THSD7B: variants seen among roughly 807,000 people sequenced by gnomAD.
The protein encoded by THSD7B is thrombospondin type 1 domain containing 7B, also known as thrombospondin type-1 domain-containing protein 7B.
Under a neutral mutation model 213.6 loss-of-function variants are expected in THSD7B, and 138 were observed. The observed-to-expected ratio is 0.65, with a 90% CI of 0.56 to 0.74. THSD7B has a LOEUF of 0.74. THSD7B is among the 30% of genes least tolerant of loss of function. The pLI, the probability that THSD7B is intolerant of heterozygous loss-of-function variation, is 0.00. For synonymous variants in THSD7B, 742 were observed against 687.0 expected, an observed-to-expected ratio of 1.08 and a Z score of -1.25; for missense variants, 1,931 against 1,991.5, an observed-to-expected ratio of 0.97 and a Z score of 0.58.
At chr2:137,271,485 A>G (rs1212552198) in intron 10 of THSD7B, among the ~76,000 whole-genome samples, 1 of 142,836 alleles carries the variant, frequency 7.0e-6, no homozygotes, top group East Asian at 2.1e-4. Context: ...ATATAAAATC[A>G]TATATATATT....
intron 1 of THSD7B, among the ~76,000 whole-genome samples, chr2:136,779,198 A>ATG (rs199689020): frequency 0.11 from 5,805 of 55,056 alleles, 146 homozygotes; most frequent in South Asian, 0.16. Context: ...ATATATATAT[A>ATG]TGTGTGTGTG....
At chr2:136,766,183 G>A (rs555421741) in intron 1 of THSD7B, among the ~76,000 whole-genome samples, 1 of 152,300 alleles carries the variant, frequency 6.6e-6, no homozygotes, top group African/African-American at 2.4e-5. Context: ...TTCCCGTAGC[G>A]CTGACTGCGA....
intron 17 of THSD7B, among the ~76,000 whole-genome samples, chr2:137,587,307 T>G (rs1262689522): frequency 6.6e-6 from 1 of 152,220 alleles, no homozygotes; most frequent in Non-Finnish European, 1.5e-5. Flanking sequence ...CGGAGAAGTT[T>G]CGTTGTCTGA....
intron 10 of THSD7B, among the ~76,000 whole-genome samples, chr2:137,255,257 A>T (rs1314745770): frequency 2.0e-5 from 3 of 152,220 alleles, no homozygotes; most frequent in Non-Finnish European, 4.4e-5. Flanking sequence ...ACCTGGCCAC[A>T]GCCTGTACTG....
intron 15 of THSD7B, among the ~76,000 whole-genome samples, chr2:137,523,648 G>A (rs896868701): frequency 1.4e-4 from 21 of 151,962 alleles, no homozygotes; most frequent in Admixed American, 3.3e-4. Flanking sequence ...TTTCATGCTC[G>A]TAGAACCAAA....
At chr2:136,909,994 T>C (rs1160532399) in intron 2 of THSD7B, among the ~76,000 whole-genome samples, 3 of 152,292 alleles carry the variant, frequency 2.0e-5, no homozygotes, top group East Asian at 1.9e-4. Flanking sequence ...TCTTCAGATA[T>C]ATATTAACTT....
chr2:137,041,644 T>A (rs142581331), intron 2 of THSD7B, among the ~76,000 whole-genome samples: 40 of 148,900 alleles, frequency 2.7e-4, no homozygotes, highest in African/African-American at 9.6e-4. Flanking sequence ...TATTATATAA[T>A]ATGTATTTAA....
At chr2:137,196,098 G>A (rs1680753470) in intron 7 of THSD7B, among the ~76,000 whole-genome samples, 1 of 152,136 alleles carries the variant, frequency 6.6e-6, no homozygotes, top group Admixed American at 6.6e-5. Context: ...AGTGTGAAGG[G>A]CTTTTTGTAC....
intron 2 of THSD7B, among the ~76,000 whole-genome samples, chr2:136,940,890 T>C (rs1573723073): frequency 6.6e-6 from 1 of 150,582 alleles, no homozygotes; most frequent in South Asian, 2.1e-4. Context: ...AGTTCTAGGG[T>C]ACATGTGCAC....
At chr2:137,170,675 G>A in intron 6 of THSD7B, 66 bp from the exon 7 acceptor site, 5 of 1,526,810 alleles carry the variant, frequency 3.3e-6, no homozygotes, top group Non-Finnish European at 4.4e-6. Flanking sequence ...CTCTCACCCA[G>A]CTGCTTCTTT....
Position 137,572,494 on chromosome 2 carries a change from T to G in THSD7B, c.3361T>G (p.Ser1121Ala). The change falls in exon 17 of 28, where the codon TCT (serine) becomes GCT (alanine). Residue 1121 changes from serine to alanine, a missense_variant. Coordinates refer to ENST00000409968, the MANE Select transcript of THSD7B (RefSeq NM_001316349.2). ...DEIPPETQSCSLMCPNECVMS... is the reference protein window; with the variant it reads ...DEIPPETQSCALMCPNECVMS... ...AATTCCCCCAGAAACCCAGTCCTGT[T>G]CTCTTATGTGTCCCAATGAGTGTGT... 2 of 1,613,910 alleles carry G rather than the reference T, an allele frequency of 1.2e-6. No homozygotes were observed. The highest frequency in any genetic ancestry group is 1.7e-6 in the Non-Finnish European group (2 of 1,179,852).
At chr2:137,113,776 G>A (rs372301886) in intron 4 of THSD7B, among the ~76,000 whole-genome samples, 165 of 152,210 alleles carry the variant, frequency 1.1e-3, no homozygotes, top group African/African-American at 3.8e-3. Context: ...GGATAGGAAG[G>A]ACCTGAAGTC....
At chr2:137,628,071 G>A (rs1410962043) in intron 20 of THSD7B, among the ~76,000 whole-genome samples, 5 of 152,208 alleles carry the variant, frequency 3.3e-5, no homozygotes, top group Admixed American at 3.3e-4. Flanking sequence ...AGAATTAAAT[G>A]AAATTAAGTA....
At chr2:137,440,483 A>G (rs1687385209) in intron 14 of THSD7B, among the ~76,000 whole-genome samples, 1 of 151,140 alleles carries the variant, frequency 6.6e-6, no homozygotes, top group Admixed American at 6.6e-5. Flanking sequence ...TTAATTGGAC[A>G]TATGAGTAAG....
chr2:136,890,304 CTTCTTCT>C (rs1558839766), intron 2 of THSD7B, among the ~76,000 whole-genome samples: 2 of 10,730 alleles, frequency 1.9e-4, no homozygotes, highest in Non-Finnish European at 2.5e-4. Flanking sequence ...TGTCCTACTC[CTTCTTCT>C]TCTTCTTCTT....
intron 12 of THSD7B, among the ~76,000 whole-genome samples, chr2:137,315,430 C>T (rs375779972): frequency 6.6e-6 from 1 of 152,124 alleles, no homozygotes; most frequent in Non-Finnish European, 1.5e-5. Flanking sequence ...TGAGATGAAC[C>T]CGATACCTCA....
intron 15 of THSD7B, among the ~76,000 whole-genome samples, chr2:137,510,661 A>AT (rs897076678): frequency 2.3e-3 from 352 of 151,546 alleles, no homozygotes; most frequent in African/African-American, 7.8e-3. Flanking sequence ...CCTAGCAACA[A>AT]TTTTTTTTTA....
intron 5 of THSD7B, among the ~76,000 whole-genome samples, chr2:137,122,725 A>G (rs1688565575): frequency 6.6e-6 from 1 of 151,872 alleles, no homozygotes; most frequent in Admixed American, 6.6e-5. Flanking sequence ...CGGGCTTTGG[A>G]GCTCATCTCT....
At chr2:137,118,683 G>A (rs933563238) in intron 5 of THSD7B, among the ~76,000 whole-genome samples, 14 of 152,000 alleles carry the variant, frequency 9.2e-5, no homozygotes, top group African/African-American at 2.4e-4. Context: ...TCTTCATTCT[G>A]GCCTCAGAGT....
Sources: allele counts gnomAD v4.1 joint callset (sites outside exome capture counted in the v4.1 genomes callset), GRCh38; gene constraint gnomAD v4.1.1; transcripts MANE v1.5; gene names NCBI Gene and HGNC (gene_info 2026-07-23, HGNC 2026-07-21).